The following XRN2 variants were observed in gnomAD, a reference collection of about 807,000 sequenced individuals.
XRN2 encodes 5'-3' exoribonuclease 2.
In XRN2, 44 loss-of-function variants were observed where a neutral mutation model predicts 138.5. That is an observed-to-expected ratio of 0.32 (90% CI 0.25 to 0.41). The LOEUF is 0.41. XRN2 is among the 10% of genes least tolerant of loss of function. The probability of loss-of-function intolerance (pLI) is 1.00; values close to 1 mark genes in which losing one functional copy is unlikely to be tolerated. For synonymous variants in XRN2, 354 were observed against 369.4 expected (o/e 0.96, Z 0.48); for missense variants, 937 against 1,169.3 (o/e 0.80, Z 2.90).
rs1034192883 is a variant in XRN2 at position 21,324,144 on chromosome 20, A to AC, written c.76-2128dup. ...TTATCTTTTTCTATAGACTCCACCCACCCCCCCAAGAATTGACCTGCTTTT... is the reference window on the plus strand; with the variant it reads ...TTATCTTTTTCTATAGACTCCACCCACCCCCCCCAAGAATTGACCTGCTTTT... On this transcript the variant is annotated intron_variant, in intron 1 of 29. Coordinates refer to ENST00000377191, the MANE Select transcript of XRN2 (RefSeq NM_012255.5). Among the ~76,000 whole-genome samples the AC allele has an allele frequency of 7.3e-4, 110 of 151,644 alleles. 1 individual carries two copies. The highest frequency in any genetic ancestry group is 3.4e-3 in the Middle Eastern group (1 of 294).
At position 21,373,655 on chromosome 20, in the gene XRN2, T is replaced by G. The variant is rs114572236; in HGVS notation, c.2584+5065T>G. ...GCCAACCCTTGGTGTTGTCAGTCTT[T>G]GCACTTTTAGCTATTTGACTAAGCA... On this transcript the variant is annotated intron_variant, in intron 27 of 29. Coordinates refer to ENST00000377191, the MANE Select transcript of XRN2 (RefSeq NM_012255.5). 1.9e-3 allele frequency among the ~76,000 whole-genome samples: 287 copies of G among 152,350 alleles called. 3 individuals are homozygous for G. Among genetic ancestry groups the G allele is most frequent in the African/African-American group, 6.8e-3 (282 of 41,586 alleles).
intron 9 of XRN2, 64 bp from the exon 10 acceptor site, chr20:21,333,480 C>A: frequency 6.4e-7 from 1 of 1,550,812 alleles, no homozygotes; most frequent in Non-Finnish European, 8.9e-7. Flanking sequence ...TTAAAATTTG[C>A]TTGGTTGGAA....
At chr20:21,341,666 A>T (rs2038373994) in intron 15 of XRN2, among the ~76,000 whole-genome samples, 1 of 152,198 alleles carries the variant, frequency 6.6e-6, no homozygotes, top group South Asian at 2.1e-4. Flanking sequence ...TTTTGCTATG[A>T]TATATCCAAG....
chr20:21,321,174 C>A (rs2038037735), intron 1 of XRN2, among the ~76,000 whole-genome samples: 1 of 151,932 alleles, frequency 6.6e-6, no homozygotes. Context: ...GCTATCACAC[C>A]TGGCTAATTT....
intron 15 of XRN2, among the ~76,000 whole-genome samples, chr20:21,341,335 G>A (rs1160457380): frequency 6.6e-6 from 1 of 152,168 alleles, no homozygotes; most frequent in Non-Finnish European, 1.5e-5. Context: ...TTGCAAAATA[G>A]TATTCCTTAG....
chr20:21,308,616 T>A (rs1490665665), intron 1 of XRN2, among the ~76,000 whole-genome samples: 2 of 152,256 alleles, frequency 1.3e-5, no homozygotes, highest in Non-Finnish European at 2.9e-5. Flanking sequence ...TTGCTTTCTG[T>A]ATATCATCAC....
intron 17 of XRN2, among the ~76,000 whole-genome samples, chr20:21,347,599 G>GTA (rs1360029916): frequency 1.3e-5 from 2 of 152,172 alleles, no homozygotes; most frequent in African/African-American, 4.8e-5. Context: ...TTTCCTATGA[G>GTA]TATAACTTGC....
intron 20 of XRN2, among the ~76,000 whole-genome samples, chr20:21,353,792 C>G (rs1035106645): frequency 4.2e-5 from 3 of 70,654 alleles, no homozygotes; most frequent in Admixed American, 1.8e-4. Flanking sequence ...GAGACCCTAT[C>G]TTAAAAAAAA....
In XRN2 at chr20:21,344,131, C is replaced by T. The variant is rs375119136; in HGVS notation, c.1452C>T (p.Gly484=). The T allele has an allele frequency of 6.2e-7, 1 of 1,613,142 alleles. No homozygotes were observed. The highest frequency in any genetic ancestry group is 1.3e-5 in the African/African-American group (1 of 74,890). Residue 484 remains glycine, a synonymous_variant, in exon 16 of 30, where the codon GGC becomes GGT. Coordinates refer to ENST00000377191, the MANE Select transcript of XRN2 (RefSeq NM_012255.5). The stretch of plus-strand genomic sequence containing the variant: ...CTAATACGAGTTTCACATCTGATGG[C>T]TCCCCGTCTCCATTAGGAGGAATTA... ...ISPNTSFTSD[G]SPSPLGGIKR... is the part of the protein sequence containing the mutation.
intron 1 of XRN2, among the ~76,000 whole-genome samples, chr20:21,310,113 T>G (rs1600668061): frequency 6.6e-6 from 1 of 152,226 alleles, no homozygotes; most frequent in Non-Finnish European, 1.5e-5. Flanking sequence ...AGATATTGTT[T>G]AAACAGTGTG....
rs929849059 is a variant in XRN2 at position 21,303,624 on chromosome 20, G to C, written c.75+151G>C. ...CGCGAGCAGTCGCAGCCCCACACGC[G>C]ATGGGACGCGGGCTGTGGGATTCAG... On this transcript the variant is annotated intron_variant, in intron 1 of 29. Coordinates refer to ENST00000377191, the MANE Select transcript of XRN2 (RefSeq NM_012255.5). The C allele has an allele frequency of 2.3e-5, 31 of 1,364,086 alleles. 1 individual carries two copies. The highest frequency in any genetic ancestry group is 2.0e-4 in the South Asian group (11 of 55,776). 84.5% of individuals were successfully genotyped at this position (1,364,086 alleles called of 1,614,324 possible).
intron 1 of XRN2, among the ~76,000 whole-genome samples, chr20:21,310,523 G>T (rs1444746336): frequency 1.3e-5 from 2 of 151,924 alleles, no homozygotes; most frequent in Non-Finnish European, 2.9e-5. Context: ...GTTTTTTGGT[G>T]GATAATACAC....
chr20:21,305,553 C>CTTTTTTTTTTTTT (rs1180206108), intron 1 of XRN2, among the ~76,000 whole-genome samples: 7 of 19,842 alleles, frequency 3.5e-4, no homozygotes, highest in African/African-American at 3.9e-4. Flanking sequence ...CATACGTGGC[C>CTTTTTTTTTTTTT]TTTTTTTTTT....
At chr20:21,361,063 C>G (rs116700174) in intron 24 of XRN2, among the ~76,000 whole-genome samples, 1 of 152,188 alleles carries the variant, frequency 6.6e-6, no homozygotes, top group Non-Finnish European at 1.5e-5. Flanking sequence ...TGTTAACACT[C>G]TCTAACAGTA....
chr20:21,353,831 A>C (rs2038543804), intron 20 of XRN2, among the ~76,000 whole-genome samples: 1 of 151,934 alleles, frequency 6.6e-6, no homozygotes, highest in South Asian at 2.1e-4. Context: ...TAGGTAGTGA[A>C]ATTGAACATG....
In XRN2 at chr20:21,382,093, T is replaced by C. The variant is rs77916063; in HGVS notation, c.2648+36T>C. On this transcript the variant is annotated intron_variant, in intron 28 of 29. Transcript: ENST00000377191. ...AAGTAGACATGACTTTTAAATACTT[T>C]CTGACACCAACATTTGGGGTTTATG... The C allele has an allele frequency of 1.2e-3, 1,825 of 1,563,990 alleles. 5 individuals are homozygous for C. The highest frequency in any genetic ancestry group is 1.5e-3 in the Non-Finnish European group (1,662 of 1,145,438).
At chr20:21,349,082 G>A (rs983619899) in intron 19 of XRN2, among the ~76,000 whole-genome samples, 1 of 152,210 alleles carries the variant, frequency 6.6e-6, no homozygotes, top group African/African-American at 2.4e-5. Context: ...GCTAGAAAGA[G>A]TGAGACCCAG....
chr20:21,381,250 G>A (rs572613388), intron 27 of XRN2, among the ~76,000 whole-genome samples: 3 of 152,260 alleles, frequency 2.0e-5, no homozygotes, highest in South Asian at 4.1e-4. Context: ...ACAACTTCTG[G>A]AACCAGCAGT....
chr20:21,322,723 TCTTTA>T (rs2038063633), intron 1 of XRN2, among the ~76,000 whole-genome samples: 1 of 152,268 alleles, frequency 6.6e-6, no homozygotes, highest in Non-Finnish European at 1.5e-5. Context: ...ATTTGTATTA[TCTTTA>T]CTTCTTTAAA....
Sources: gnomAD v4.1 joint callset for allele counts (sites outside exome capture counted in the v4.1 genomes callset) on GRCh38, gnomAD v4.1.1 for gene constraint, MANE v1.5 for transcripts, NCBI Gene and HGNC (gene_info 2026-07-23, HGNC 2026-07-21) for gene names.